The following CCDC150 variants were observed in gnomAD, a reference collection of about 807,000 sequenced individuals.
CCDC150 encodes coiled-coil domain-containing protein 150.
In CCDC150, 151 loss-of-function variants were observed where a neutral mutation model predicts 156.5. The observed-to-expected ratio is 0.97, with a 90% CI of 0.85 to 1.10. The LOEUF (loss-of-function observed/expected upper bound fraction) is 1.10, where lower values mean the gene tolerates loss of function less well. Ranked by LOEUF, CCDC150 falls within the 50% of genes least tolerant of loss-of-function variation. CCDC150 has a pLI of 0.00. For missense variants in CCDC150, 1,312 were observed against 1,268.1 expected, an observed-to-expected ratio of 1.03 and a Z score of -0.53; for synonymous variants, 452 against 429.4, an observed-to-expected ratio of 1.05 and a Z score of -0.65.
chr2:196,656,817 C>T lies in CCDC150; in HGVS notation c.361C>T (p.Leu121=). 1 of 1,613,848 alleles carries T rather than the reference C, an allele frequency of 6.2e-7. No homozygotes were observed. Among genetic ancestry groups the T allele is most frequent in the Non-Finnish European group, 8.5e-7 (1 of 1,179,816 alleles). ...MQSLKMNIFR[L]QTEKDLNPQK... ...GTCCTTGAAGATGAACATCTTTCGGCTGCAAACTGAAAAGGATTTGAATCC... is the reference window on the plus strand; with the variant it reads ...GTCCTTGAAGATGAACATCTTTCGGTTGCAAACTGAAAAGGATTTGAATCC... Residue 121 remains leucine (L), a synonymous_variant, in exon 3 of 28, where the codon CTG becomes TTG. Transcript: ENST00000389175.
chr2:196,725,836 A>G, intron 21 of CCDC150, 137 bp from the exon 22 acceptor site: 1 of 639,780 alleles, frequency 1.6e-6, no homozygotes, highest in Non-Finnish European at 2.6e-6. Flanking sequence ...CAAATTAGTG[A>G]GGTTCACCAG....
intron 13 of CCDC150, 151 bp from the exon 14 acceptor site, chr2:196,694,895 C>T: frequency 2.1e-6 from 1 of 485,004 alleles, no homozygotes; most frequent in Non-Finnish European, 3.7e-6. Context: ...ATAGAGCTAT[C>T]AGACTGACTG....
At chr2:196,659,751 A>T (rs1373915595) in intron 5 of CCDC150, among the ~76,000 whole-genome samples, 1 of 151,728 alleles carries the variant, frequency 6.6e-6, no homozygotes, top group Non-Finnish European at 1.5e-5. Context: ...CCCTCTCTCC[A>T]CTCCTGCAGT....
At chr2:196,663,722 C>T (rs1365921617) in intron 5 of CCDC150, among the ~76,000 whole-genome samples, 1 of 152,076 alleles carries the variant, frequency 6.6e-6, no homozygotes, top group Non-Finnish European at 1.5e-5. Context: ...TATCCCAACA[C>T]ATTTTTTACC....
intron 2 of CCDC150, among the ~76,000 whole-genome samples, chr2:196,651,541 A>G (rs1692875159): frequency 6.6e-6 from 1 of 152,132 alleles, no homozygotes; most frequent in Non-Finnish European, 1.5e-5. Flanking sequence ...AGCATTGCTG[A>G]GATAGTATTC....
intron 2 of CCDC150, among the ~76,000 whole-genome samples, chr2:196,656,201 C>G (rs745770039): frequency 3.9e-5 from 6 of 152,126 alleles, no homozygotes; most frequent in Non-Finnish European, 8.8e-5. Flanking sequence ...AAAAGCCACA[C>G]TGTGGGGAAT....
intron 13 of CCDC150, among the ~76,000 whole-genome samples, chr2:196,682,658 C>T (rs865901733): frequency 5.9e-5 from 9 of 152,030 alleles, no homozygotes; most frequent in Middle Eastern, 3.4e-3. Flanking sequence ...TCAAGTGAAA[C>T]GACATACAGC....
intron 17 of CCDC150, chr2:196,713,264 A>G: frequency 7.2e-7 from 1 of 1,385,534 alleles, no homozygotes; most frequent in Non-Finnish European, 9.4e-7. Context: ...GGCTCCTTCT[A>G]GAACACTGTG....
At chr2:196,642,740 A>G (rs1692306081) in intron 1 of CCDC150, among the ~76,000 whole-genome samples, 2 of 151,710 alleles carry the variant, frequency 1.3e-5, no homozygotes, top group East Asian at 3.9e-4. Flanking sequence ...ACTTGTTTTC[A>G]TTTTTTATTT....
At chr2:196,716,065 C>T (rs547228611) in intron 17 of CCDC150, among the ~76,000 whole-genome samples, 1 of 152,262 alleles carries the variant, frequency 6.6e-6, no homozygotes, top group Non-Finnish European at 1.5e-5. Context: ...ACAGTTTCTT[C>T]AGCAAAGTTA....
intron 13 of CCDC150, among the ~76,000 whole-genome samples, chr2:196,692,652 T>C (rs1695563613): frequency 1.3e-5 from 2 of 152,246 alleles, no homozygotes; most frequent in Non-Finnish European, 2.9e-5. Context: ...GATTTCTTAG[T>C]CTTGAATTCT....
chr2:196,669,995 T>C, intron 8 of CCDC150, 119 bp downstream of exon 8: 2 of 627,272 alleles, frequency 3.2e-6, no homozygotes, highest in Non-Finnish European at 2.7e-6. Context: ...TTTAAAAAGT[T>C]TCATGTAAAT....
intron 9 of CCDC150, among the ~76,000 whole-genome samples, chr2:196,673,553 A>AT (rs1387622798): frequency 1.3e-5 from 2 of 151,922 alleles, no homozygotes; most frequent in Admixed American, 6.6e-5. Flanking sequence ...ACTCCATTTT[A>AT]TTTTTTGTGT....
intron 13 of CCDC150, among the ~76,000 whole-genome samples, chr2:196,690,963 C>T (rs1695425904): frequency 6.6e-6 from 1 of 152,132 alleles, no homozygotes; most frequent in Admixed American, 6.5e-5. Flanking sequence ...TTGAGATAAT[C>T]ATGTGGTTTT....
intron 1 of CCDC150, among the ~76,000 whole-genome samples, chr2:196,642,036 A>G (rs1480066931): frequency 6.6e-6 from 1 of 152,200 alleles, no homozygotes; most frequent in Non-Finnish European, 1.5e-5. Context: ...TTCTCCCTAA[A>G]CATCAAGACA....
chr2:196,731,211 G>C (rs1157762602), intron 26 of CCDC150, among the ~76,000 whole-genome samples: 3 of 152,080 alleles, frequency 2.0e-5, no homozygotes, highest in Admixed American at 2.0e-4. Context: ...TATAAGGAAA[G>C]ACCAGCATGT....
In CCDC150 at chr2:196,668,211, C is replaced by T. The variant is rs540357190; in HGVS notation, c.892+1363C>T. ...TACTTGGGAGGCTGAAACAGAGAATCGCTTGAACCCAGGAGGCTGAGGTTG... is the reference window on the plus strand; with the variant it reads ...TACTTGGGAGGCTGAAACAGAGAATTGCTTGAACCCAGGAGGCTGAGGTTG... On this transcript the variant is annotated intron_variant, in intron 7 of 27. Coordinates refer to ENST00000389175, the MANE Select transcript of CCDC150 (RefSeq NM_001080539.2). Among the ~76,000 whole-genome samples, 27 of 148,156 alleles carry T rather than the reference C, an allele frequency of 1.8e-4. 1 individual carries two copies. The highest frequency in any genetic ancestry group is 9.7e-4 in the Admixed American group (14 of 14,494).
chr2:196,662,468 G>A lies in CCDC150; in HGVS notation c.646-3099G>A, dbSNP rs141492355. 1.2e-4 allele frequency among the ~76,000 whole-genome samples: 19 copies of A among 152,138 alleles called. No homozygotes were observed. The East Asian group carries it at 2.5e-3, about 20-fold the overall frequency. ...CATTAGTTAGATTCTCATAAGAAGC[G>A]TGCAACCTAGATCCCTTGCATGCAC... On this transcript the variant is annotated intron_variant, in intron 5 of 27. Coordinates refer to ENST00000389175, the MANE Select transcript of CCDC150 (RefSeq NM_001080539.2).
chr2:196,671,747 GT>G (rs1694217960), intron 8 of CCDC150, among the ~76,000 whole-genome samples: 1 of 152,020 alleles, frequency 6.6e-6, no homozygotes, highest in Non-Finnish European at 1.5e-5. Flanking sequence ...TTTATTTTTA[GT>G]GCTGAATAAT....
Sources: allele counts gnomAD v4.1 joint callset (sites outside exome capture counted in the v4.1 genomes callset), GRCh38; gene constraint gnomAD v4.1.1; transcripts MANE v1.5; gene names NCBI Gene and HGNC (gene_info 2026-07-23, HGNC 2026-07-21).